The following MSRA variants were observed in gnomAD, a reference collection of about 807,000 sequenced individuals.
MSRA encodes the protein methionine sulfoxide reductase A.
MSRA carries 54 observed loss-of-function variants against 31.3 expected under a neutral mutation model. That is an observed-to-expected ratio of 1.73 (90% CI 1.39 to 2.17). The LOEUF is 2.17. Ranked by LOEUF, MSRA falls within the 30% of genes most tolerant of loss-of-function variation. MSRA has a pLI of 0.00. For missense variants in MSRA, 507 were observed against 300.9 expected (o/e 1.69, Z -5.07); for synonymous variants, 169 against 116.5 (o/e 1.45, Z -2.90).
intron 5 of MSRA, among the ~76,000 whole-genome samples, chr8:10,358,565 C>CTTTTTTTTTTTTTTT (rs59106668): frequency 4.7e-5 from 3 of 64,000 alleles, no homozygotes; most frequent in Non-Finnish European, 7.9e-5. Context: ...GCATTAGATT[C>CTTTTTTTTTTTTTTT]TTTTTTTTTT....
chr8:10,123,850 G>A (rs775107371), intron 1 of MSRA, among the ~76,000 whole-genome samples: 4 of 151,672 alleles, frequency 2.6e-5, no homozygotes, highest in African/African-American at 9.7e-5. Context: ...CAATCCATTG[G>A]TCTATGCTTT....
At chr8:10,291,820 T>A (rs1420248543) in intron 3 of MSRA, among the ~76,000 whole-genome samples, 1 of 152,172 alleles carries the variant, frequency 6.6e-6, no homozygotes, top group Non-Finnish European at 1.5e-5. Context: ...TGTCTCCCTC[T>A]CCCCTCCATC....
chr8:10,288,087 A>C (rs776844129), intron 3 of MSRA, among the ~76,000 whole-genome samples: 3 of 152,208 alleles, frequency 2.0e-5, no homozygotes, highest in Non-Finnish European at 4.4e-5. Flanking sequence ...GCCCCATACA[A>C]AAGTGAAAAT....
intron 4 of MSRA, among the ~76,000 whole-genome samples, chr8:10,315,516 T>A (rs1252224302): frequency 2.0e-5 from 3 of 152,236 alleles, no homozygotes; most frequent in African/African-American, 7.2e-5. Flanking sequence ...TTTATGTACC[T>A]TTGTACATTT....
At chr8:10,329,281 G>A (rs888260450) in intron 5 of MSRA, among the ~76,000 whole-genome samples, 3 of 152,200 alleles carry the variant, frequency 2.0e-5, no homozygotes, top group Admixed American at 2.0e-4. Flanking sequence ...CAGGGTACTA[G>A]CTGGGCTCTG....
intron 2 of MSRA, among the ~76,000 whole-genome samples, chr8:10,228,888 T>G (rs761495231): frequency 1.3e-5 from 2 of 152,164 alleles, no homozygotes. Flanking sequence ...TTAACTTCCT[T>G]TTTCTTCATA....
intron 1 of MSRA, among the ~76,000 whole-genome samples, chr8:10,142,332 T>TGG (rs1254855740): frequency 5.3e-4 from 80 of 152,284 alleles, no homozygotes; most frequent in African/African-American, 1.8e-3. Context: ...ATTCCCATTT[T>TGG]CCAGGAGAGG....
intron 3 of MSRA, among the ~76,000 whole-genome samples, chr8:10,262,607 C>G (rs1167134964): frequency 6.6e-6 from 1 of 152,032 alleles, no homozygotes; most frequent in African/African-American, 2.4e-5. Context: ...TTGTTTTGGC[C>G]TTTATCAGAT....
intron 5 of MSRA, among the ~76,000 whole-genome samples, chr8:10,388,985 G>C (rs1806567086): frequency 6.6e-6 from 1 of 152,168 alleles, no homozygotes; most frequent in African/African-American, 2.4e-5. Flanking sequence ...TGGAAGTATG[G>C]AGAATCGCCT....
At chr8:10,278,930 G>T (rs1446760718) in intron 3 of MSRA, among the ~76,000 whole-genome samples, 2 of 152,170 alleles carry the variant, frequency 1.3e-5, no homozygotes. Context: ...TGGTAGTCAG[G>T]ACAGTTCTGC....
At chr8:10,078,686 G>A (rs1444148755) in intron 1 of MSRA, among the ~76,000 whole-genome samples, 1 of 152,238 alleles carries the variant, frequency 6.6e-6, no homozygotes, top group Non-Finnish European at 1.5e-5. Context: ...AGAAATGGTA[G>A]CTGGTCCCAA....
chr8:10,396,824 G>A (rs1387073296), intron 5 of MSRA, among the ~76,000 whole-genome samples: 3 of 152,216 alleles, frequency 2.0e-5, no homozygotes, highest in South Asian at 4.1e-4. Context: ...ATGGTCTGGG[G>A]TATGGCCCTT....
intron 3 of MSRA, among the ~76,000 whole-genome samples, chr8:10,285,389 A>G (rs569165996): frequency 4.2e-4 from 64 of 152,274 alleles, no homozygotes; most frequent in African/African-American, 1.4e-3. Context: ...GTACCTATTT[A>G]TGGAGTACAG....
At chr8:10,288,850 T>G (rs1427296116) in intron 3 of MSRA, among the ~76,000 whole-genome samples, 1 of 152,182 alleles carries the variant, frequency 6.6e-6, no homozygotes, top group East Asian at 1.9e-4. Flanking sequence ...AAAGCAACTA[T>G]AATGTGGCTA....
intron 1 of MSRA, among the ~76,000 whole-genome samples, chr8:10,178,079 T>G (rs1367495332): frequency 3.9e-5 from 6 of 152,184 alleles, no homozygotes; most frequent in African/African-American, 1.4e-4. Flanking sequence ...TGAGTACATC[T>G]ATTCCTGAGA....
At chr8:10,343,661 A>G (rs957939279) in intron 5 of MSRA, among the ~76,000 whole-genome samples, 2 of 152,186 alleles carry the variant, frequency 1.3e-5, no homozygotes, top group African/African-American at 4.8e-5. Flanking sequence ...TACATTTGTA[A>G]AGGGTGCTGG....
chr8:10,206,736 A>C (rs1042334846), intron 1 of MSRA, among the ~76,000 whole-genome samples: 4 of 152,150 alleles, frequency 2.6e-5, no homozygotes, highest in African/African-American at 7.2e-5. Flanking sequence ...CTGACTTCCC[A>C]CCCAGCTCTC....
chr8:10,327,741 G>T (rs1802444248), intron 5 of MSRA, among the ~76,000 whole-genome samples: 1 of 152,136 alleles, frequency 6.6e-6, no homozygotes, highest in African/African-American at 2.4e-5. Context: ...AGACTATCCT[G>T]GCTAACAAGG....
At chr8:10,128,950 C>G (rs1199017453) in intron 1 of MSRA, among the ~76,000 whole-genome samples, 1 of 152,156 alleles carries the variant, frequency 6.6e-6, no homozygotes, top group Non-Finnish European at 1.5e-5. Context: ...TTGTACATGC[C>G]TTTACTGTCA....
Sources: allele counts gnomAD v4.1 joint callset (sites outside exome capture counted in the v4.1 genomes callset), GRCh38; gene constraint gnomAD v4.1.1; transcripts MANE v1.5; gene names NCBI Gene and HGNC (gene_info 2026-07-23, HGNC 2026-07-21).